Variants in ITFG1 observed in about 807,000 individuals in gnomAD.
The protein encoded by ITFG1 is integrin alpha FG-GAP repeat containing 1.
ITFG1 carries 34 observed loss-of-function variants against 81.8 expected under a neutral mutation model. The ratio of observed to expected loss-of-function variants is 0.42; its 90% confidence interval spans 0.32 to 0.55. The LOEUF (loss-of-function observed/expected upper bound fraction) is 0.55, where lower values mean the gene tolerates loss of function less well. Among genes scored for constraint, ITFG1 ranks in the 20% least tolerant of loss-of-function variants. The probability of loss-of-function intolerance (pLI) is 0.17; values close to 1 mark genes in which losing one functional copy is unlikely to be tolerated. For missense variants in ITFG1, 672 were observed against 755.4 expected, an observed-to-expected ratio of 0.89 and a Z score of 1.29; for synonymous variants, 285 against 270.6, an observed-to-expected ratio of 1.05 and a Z score of -0.52.
chr16:47,172,059 C>T (rs1964969309), intron 14 of ITFG1, among the ~76,000 whole-genome samples: 1 of 152,128 alleles, frequency 6.6e-6, no homozygotes, highest in Non-Finnish European at 1.5e-5. Flanking sequence ...TTAGGTTAGT[C>T]CCCAACACTC....
In ITFG1 at chr16:47,438,261, C is replaced by G. The variant is rs570759667; in HGVS notation, c.561-9363G>C. On this transcript the variant is annotated intron_variant, in intron 5 of 17. Transcript: ENST00000320640. Reference sequence around the variant, plus strand: ...CCTCTGTAGGCTCCACCGCTGGGGGCAGGGCACAGACAAACAAAAGACAGC... The same window carrying G: ...CCTCTGTAGGCTCCACCGCTGGGGGGAGGGCACAGACAAACAAAAGACAGC... 2.7e-3 allele frequency among the ~76,000 whole-genome samples: 414 copies of G among 152,344 alleles called. 5 individuals are homozygous for G. The highest frequency in any genetic ancestry group is 3.6e-3 in the Admixed American group (55 of 15,296).
At chr16:47,234,999 G>A (rs2151533068) in intron 13 of ITFG1, among the ~76,000 whole-genome samples, 1 of 152,256 alleles carries the variant, frequency 6.6e-6, no homozygotes, top group Non-Finnish European at 1.5e-5. Flanking sequence ...ATGATTGTAA[G>A]TTTCCTGAAT....
intron 10 of ITFG1, among the ~76,000 whole-genome samples, chr16:47,309,824 T>TA (rs1967228878): frequency 6.6e-6 from 1 of 152,238 alleles, no homozygotes; most frequent in African/African-American, 2.4e-5. Context: ...ACACTGTTGA[T>TA]AAAGAACTTT....
intron 12 of ITFG1, among the ~76,000 whole-genome samples, chr16:47,246,251 T>C (rs1206240435): frequency 5.3e-5 from 8 of 152,230 alleles, no homozygotes. Context: ...AACATTAGGA[T>C]CACATGATAA....
intron 12 of ITFG1, among the ~76,000 whole-genome samples, chr16:47,248,546 C>G (rs1966029048): frequency 6.6e-6 from 1 of 152,154 alleles, no homozygotes; most frequent in South Asian, 2.1e-4. Context: ...AAAAACTCCA[C>G]AATGTCAAGC....
At chr16:47,353,703 A>G (rs1967998901) in intron 8 of ITFG1, among the ~76,000 whole-genome samples, 1 of 152,288 alleles carries the variant, frequency 6.6e-6, no homozygotes, top group Non-Finnish European at 1.5e-5. Context: ...AAGGTGCAGG[A>G]TACAAATCAA....
intron 10 of ITFG1, among the ~76,000 whole-genome samples, chr16:47,291,881 A>G (rs1966910972): frequency 6.6e-6 from 1 of 152,100 alleles, no homozygotes; most frequent in African/African-American, 2.4e-5. Flanking sequence ...TGAATTGTCT[A>G]CATGTATTTT....
chr16:47,315,977 G>C (rs1302510110), intron 8 of ITFG1, among the ~76,000 whole-genome samples: 1 of 151,958 alleles, frequency 6.6e-6, no homozygotes, highest in African/African-American at 2.4e-5. Flanking sequence ...ATTCAGTAGA[G>C]TCCGAGTTTC....
At chr16:47,302,965 A>T (rs911157768) in intron 10 of ITFG1, among the ~76,000 whole-genome samples, 1 of 152,132 alleles carries the variant, frequency 6.6e-6, no homozygotes, top group African/African-American at 2.4e-5. Flanking sequence ...TTTAGTGACA[A>T]ATATGTGAAG....
At chr16:47,219,722 C>A (rs966957584) in intron 13 of ITFG1, among the ~76,000 whole-genome samples, 1 of 152,124 alleles carries the variant, frequency 6.6e-6, no homozygotes, top group African/African-American at 2.4e-5. Flanking sequence ...AGATAGGCTA[C>A]TGATGCTTTA....
At chr16:47,355,713 G>C (rs1473575840) in intron 8 of ITFG1, among the ~76,000 whole-genome samples, 2 of 152,062 alleles carry the variant, frequency 1.3e-5, no homozygotes, top group Non-Finnish European at 2.9e-5. Context: ...CTGAAAGCTT[G>C]TTTTATTCCA....
intron 14 of ITFG1, among the ~76,000 whole-genome samples, chr16:47,182,819 G>A (rs1965147093): frequency 6.6e-6 from 1 of 152,356 alleles, no homozygotes; most frequent in African/African-American, 2.4e-5. Flanking sequence ...CGTGAGCAAC[G>A]CAGAAGACGG....
chr16:47,458,181 C>G (rs1017667242), intron 2 of ITFG1, among the ~76,000 whole-genome samples: 1 of 152,212 alleles, frequency 6.6e-6, no homozygotes, highest in Admixed American at 6.5e-5. Flanking sequence ...TCTAATGGGA[C>G]AGCATTCAAA....
At chr16:47,173,172 C>CAA (rs1964981006) in intron 14 of ITFG1, among the ~76,000 whole-genome samples, 1 of 152,190 alleles carries the variant, frequency 6.6e-6, no homozygotes, top group African/African-American at 2.4e-5. Flanking sequence ...TACATACAAT[C>CAA]AAAGACCCTC....
chr16:47,257,633 C>T (rs758720670), intron 12 of ITFG1, among the ~76,000 whole-genome samples: 13 of 152,126 alleles, frequency 8.5e-5, no homozygotes, highest in Non-Finnish European at 1.3e-4. Flanking sequence ...ATTATTGCAA[C>T]GAATTCATGG....
chr16:47,249,405 C>T (rs980418784), intron 12 of ITFG1, among the ~76,000 whole-genome samples: 6 of 151,984 alleles, frequency 3.9e-5, no homozygotes, highest in Non-Finnish European at 5.9e-5. Context: ...GGTGACAAAG[C>T]GAGACTGTGT....
intron 7 of ITFG1, among the ~76,000 whole-genome samples, chr16:47,368,264 A>C (rs887762631): frequency 4.7e-5 from 7 of 148,600 alleles, no homozygotes; most frequent in South Asian, 4.3e-4. Flanking sequence ...AAAAGATCAC[A>C]GCATTGGCCG....
At chr16:47,446,449 T>C (rs1047144398) in intron 5 of ITFG1, among the ~76,000 whole-genome samples, 1 of 152,240 alleles carries the variant, frequency 6.6e-6, no homozygotes, top group African/African-American at 2.4e-5. Flanking sequence ...AGTCATGTTT[T>C]ATTATACTTT....
At chr16:47,451,894 A>G (rs1969394382) in intron 4 of ITFG1, among the ~76,000 whole-genome samples, 1 of 152,232 alleles carries the variant, frequency 6.6e-6, no homozygotes, top group African/African-American at 2.4e-5. Context: ...CTACCCTTGA[A>G]TGATAAGGAT....
Sources: gnomAD v4.1 joint callset for allele counts (sites outside exome capture counted in the v4.1 genomes callset) on GRCh38, gnomAD v4.1.1 for gene constraint, MANE v1.5 for transcripts, NCBI Gene and HGNC (gene_info 2026-07-23, HGNC 2026-07-21) for gene names.